SLIT2: variants seen among roughly 807,000 people sequenced by gnomAD.
SLIT2 encodes slit homolog 2 protein.
A neutral mutation model predicts 185.7 loss-of-function variants in SLIT2; 41 were observed. That is an observed-to-expected ratio of 0.22 (90% CI 0.17 to 0.29). SLIT2 has a LOEUF of 0.29. Among genes scored for constraint, SLIT2 ranks in the 10% least tolerant of loss-of-function variants. The pLI is 1.00. For missense variants in SLIT2, 1,571 were observed against 1,909.0 expected, an observed-to-expected ratio of 0.82 and a Z score of 3.30; for synonymous variants, 693 against 680.2, an observed-to-expected ratio of 1.02 and a Z score of -0.29.
intron 26 of SLIT2, among the ~76,000 whole-genome samples, chr4:20,562,707 A>G (rs1402818742): frequency 5.9e-5 from 9 of 151,848 alleles, no homozygotes. Flanking sequence ...ATTATTAATA[A>G]AACTTGAGAA....
intron 4 of SLIT2, among the ~76,000 whole-genome samples, chr4:20,315,103 CA>C (rs1718461405): frequency 6.6e-6 from 1 of 151,824 alleles, no homozygotes; most frequent in Admixed American, 6.6e-5. Context: ...ATCAAAGTAC[CA>C]ATATATAAAA....
intron 4 of SLIT2, among the ~76,000 whole-genome samples, chr4:20,416,161 G>T (rs1469446126): frequency 6.6e-6 from 1 of 152,006 alleles, no homozygotes; most frequent in African/African-American, 2.4e-5. Flanking sequence ...CGTCCACTAG[G>T]GCTACCATAG....
intron 4 of SLIT2, among the ~76,000 whole-genome samples, chr4:20,372,810 T>A (rs1042498125): frequency 5.3e-5 from 8 of 152,072 alleles, no homozygotes. Context: ...TATTTGTCTC[T>A]AGGGCTTGAA....
At chr4:20,522,567 A>T (rs1720928052) in intron 12 of SLIT2, among the ~76,000 whole-genome samples, 1 of 152,138 alleles carries the variant, frequency 6.6e-6, no homozygotes, top group South Asian at 2.1e-4. Flanking sequence ...GAAAGTAGAG[A>T]GCAGAGTACA....
chr4:20,279,529 T>G (rs1714515179), intron 4 of SLIT2, among the ~76,000 whole-genome samples: 1 of 152,188 alleles, frequency 6.6e-6, no homozygotes, highest in African/African-American at 2.4e-5. Context: ...CTATGGTACA[T>G]TATAATGTGG....
rs539151233 is a variant in SLIT2 at position 20,487,673 on chromosome 4, C to T, written c.612-1146C>T. 9.9e-4 allele frequency among the ~76,000 whole-genome samples: 151 copies of T among 152,272 alleles called. 1 individual carries two copies. Among genetic ancestry groups the T allele is most frequent in the African/African-American group, 3.4e-3 (142 of 41,568 alleles). On this transcript the variant is annotated intron_variant, in intron 7 of 36. Transcript: ENST00000504154. Reference sequence around the variant, plus strand: ...CAAGCAAACCGAGCAAGAGGTCACCCATCTTTCCCAAAATGTAGCTTTTTG... The same window carrying T: ...CAAGCAAACCGAGCAAGAGGTCACCTATCTTTCCCAAAATGTAGCTTTTTG...
chr4:20,550,718 T>A, intron 24 of SLIT2, 109 bp from the exon 25 acceptor site: 1 of 608,800 alleles, frequency 1.6e-6, no homozygotes, highest in South Asian at 2.3e-5. Flanking sequence ...TAGACCGTCT[T>A]TTCTGCACTC....
rs139097979 is a variant in SLIT2 at position 20,383,238 on chromosome 4, A to AAC, written c.396-84512_396-84511dup. Among the ~76,000 whole-genome samples the AAC allele has an allele frequency of 4.8e-3, 732 of 152,314 alleles. 5 individuals carry two copies. Among genetic ancestry groups the AAC allele is most frequent in the African/African-American group, 0.017 (693 of 41,586 alleles). ...TCTTAAATAGAACACAGAAAGCAGAAACATTAAACATTCGTCCTCTCCAAA... is the reference window on the plus strand; with the variant it reads ...TCTTAAATAGAACACAGAAAGCAGAAACACATTAAACATTCGTCCTCTCCAAA... On this transcript the variant is annotated intron_variant, in intron 4 of 36. Transcript: ENST00000504154.
intron 4 of SLIT2, among the ~76,000 whole-genome samples, chr4:20,355,679 T>C (rs533456857): frequency 6.6e-6 from 1 of 152,328 alleles, no homozygotes; most frequent in South Asian, 2.1e-4. Flanking sequence ...GAAAACTGTA[T>C]GATCCATAAT....
intron 9 of SLIT2, among the ~76,000 whole-genome samples, chr4:20,510,009 GA>G (rs777684814): frequency 6.8e-4 from 103 of 152,202 alleles, no homozygotes; most frequent in Non-Finnish European, 1.2e-3. Flanking sequence ...TTAATTTTGT[GA>G]GTATAAAATT....
chr4:20,589,900 CT>C (rs34384249), intron 30 of SLIT2, among the ~76,000 whole-genome samples, 163 bp downstream of exon 30: 1,251 of 84,486 alleles, frequency 0.015, 1 homozygote, highest in African/African-American at 0.033. Context: ...ACAATATGGA[CT>C]TTTTTTTTTT....
chr4:20,424,455 A>G (rs1306920553), intron 4 of SLIT2, among the ~76,000 whole-genome samples: 1 of 152,118 alleles, frequency 6.6e-6, no homozygotes, highest in Non-Finnish European at 1.5e-5. Flanking sequence ...GGCATGTTAT[A>G]ACATCTCATA....
chr4:20,478,651 T>C (rs2148774175), intron 5 of SLIT2, among the ~76,000 whole-genome samples: 1 of 152,328 alleles, frequency 6.6e-6, no homozygotes, highest in East Asian at 1.9e-4. Flanking sequence ...TTTTACAGAT[T>C]AACCTGGAGA....
chr4:20,260,348 G>C (rs570739442), intron 3 of SLIT2, among the ~76,000 whole-genome samples: 1 of 151,772 alleles, frequency 6.6e-6, no homozygotes, highest in South Asian at 2.1e-4. Flanking sequence ...ATTTAGTTGT[G>C]AAATTTAAAA....
intron 9 of SLIT2, among the ~76,000 whole-genome samples, chr4:20,510,207 C>T (rs1379377606): frequency 6.6e-6 from 1 of 152,012 alleles, no homozygotes; most frequent in Non-Finnish European, 1.5e-5. Flanking sequence ...AAGTTAGTTT[C>T]TTAAAGGTAT....
chr4:20,583,613 A>T (rs1174633373), intron 29 of SLIT2, among the ~76,000 whole-genome samples: 1 of 152,074 alleles, frequency 6.6e-6, no homozygotes, highest in Non-Finnish European at 1.5e-5. Flanking sequence ...AGATGAGACC[A>T]TCCTGGCCAA....
chr4:20,267,615 C>T (rs987943660), intron 3 of SLIT2, among the ~76,000 whole-genome samples: 2 of 151,908 alleles, frequency 1.3e-5, no homozygotes, highest in Admixed American at 1.3e-4. Context: ...TTGAGAGTTT[C>T]CATTTCTTAA....
intron 4 of SLIT2, among the ~76,000 whole-genome samples, chr4:20,376,136 T>TC (rs1724000578): frequency 6.7e-6 from 1 of 148,264 alleles, no homozygotes; most frequent in Admixed American, 6.7e-5. Context: ...TTTTTTTTTT[T>TC]TTTTTACAAA....
chr4:20,320,460 A>T (rs1310145610), intron 4 of SLIT2, among the ~76,000 whole-genome samples: 4 of 152,112 alleles, frequency 2.6e-5, no homozygotes, highest in African/African-American at 9.7e-5. Context: ...AAAATGCAGG[A>T]AACAATTGTA....
Sources: allele counts gnomAD v4.1 joint callset (sites outside exome capture counted in the v4.1 genomes callset), GRCh38; gene constraint gnomAD v4.1.1; transcripts MANE v1.5; gene names NCBI Gene and HGNC (gene_info 2026-07-23, HGNC 2026-07-21).